The following NHSL2 variants were observed in gnomAD, a reference collection of about 807,000 sequenced individuals.
NHSL2 encodes the protein NHS like 2, also known as NHS-like protein 2.
In NHSL2, 27 loss-of-function variants were observed where a neutral mutation model predicts 53.4. That is an observed-to-expected ratio of 0.51 (90% CI 0.37 to 0.70). The LOEUF (loss-of-function observed/expected upper bound fraction) is 0.70, where lower values mean the gene tolerates loss of function less well. Among genes scored for constraint, NHSL2 ranks in the 30% least tolerant of loss-of-function variants. NHSL2 has a pLI of 0.00. For synonymous variants in NHSL2, 408 were observed against 404.1 expected (o/e 1.01, Z -0.12); for missense variants, 892 against 980.1 (o/e 0.91, Z 1.20).
At chrX:71,989,213 G>A (rs930388542) in intron 1 of NHSL2, among the ~76,000 whole-genome samples, 3 of 109,717 alleles carry the variant, frequency 2.7e-5, no homozygotes, top group African/African-American at 1.0e-4. Context: ...GCCGGGCGTG[G>A]TGGCACGCGC....
chrX:72,070,368 T>C (rs1267433467), intron 1 of NHSL2, among the ~76,000 whole-genome samples: 1 of 110,785 alleles, frequency 9.0e-6, no homozygotes, highest in Non-Finnish European at 1.9e-5. Context: ...GTTGTTCCCC[T>C]ACCTCTGGGT....
At chrX:71,997,604 C>T (rs952025868) in intron 1 of NHSL2, among the ~76,000 whole-genome samples, 1 of 112,493 alleles carries the variant, frequency 8.9e-6, no homozygotes, top group Admixed American at 9.3e-5. Context: ...AACACAGGCT[C>T]AGGGCCCATA....
At chrX:72,134,419 TC>T (rs2042336823) in intron 3 of NHSL2, 89 bp from the exon 4 acceptor site, 1 of 897,662 alleles carries the variant, frequency 1.1e-6, no homozygotes, top group Admixed American at 2.9e-5. Flanking sequence ...AGACGAAGCC[TC>T]CAACTACCCA....
At chrX:71,977,703 G>A (rs764472537) in intron 1 of NHSL2, among the ~76,000 whole-genome samples, 4 of 111,652 alleles carry the variant, frequency 3.6e-5, no homozygotes, top group Non-Finnish European at 5.6e-5. Context: ...ATGAGCCACC[G>A]CGCCTGTCTG....
In NHSL2 at chrX:72,069,654, C is replaced by T. The variant is rs771710794; in HGVS notation, c.281-62425C>T. 3 of 932,788 alleles carry T rather than the reference C, an allele frequency of 3.2e-6. No individual in the cohort carries two copies. The South Asian group carries it at 1.8e-4, about 56-fold the overall frequency. 76.9% of individuals were successfully genotyped at this position (932,788 alleles called of 1,213,427 possible). On this transcript the variant is annotated intron_variant, in intron 1 of 7. Coordinates refer to ENST00000633930, the MANE Select transcript of NHSL2 (RefSeq NM_001013627.3). ...AAAGAGGAGGAGGAGGAGGTGGCAG[C>T]GGCCGCCGCGGTGGCTGCCAGTCCA...
rs752401746 is a variant in NHSL2 at position 71,978,778 on chromosome X, A to C, written c.280+67411A>C. 8.9e-3 allele frequency among the ~76,000 whole-genome samples: 635 copies of C among 71,017 alleles called. 4 individuals are homozygous for C. The highest frequency in any genetic ancestry group is 0.032 in the African/African-American group (596 of 18,407). 61.7% of individuals were successfully genotyped at this position (71,017 alleles called of 115,157 possible). Reference sequence around the variant, plus strand: ...AAGGTTTTTTTTTTTTTTTTTAATTATACTGTAAGTTTTAGGGTACATGTG... The same window carrying C: ...AAGGTTTTTTTTTTTTTTTTTAATTCTACTGTAAGTTTTAGGGTACATGTG... On this transcript the variant is annotated intron_variant, in intron 1 of 7. Transcript: ENST00000633930.
At chrX:71,939,629 T>G (rs2041756369) in intron 1 of NHSL2, among the ~76,000 whole-genome samples, 1 of 111,808 alleles carries the variant, frequency 8.9e-6, no homozygotes, top group South Asian at 3.8e-4. Context: ...CTGTCTGGAT[T>G]TTGAATTCCA....
intron 1 of NHSL2, among the ~76,000 whole-genome samples, chrX:72,055,460 C>T (rs1349661573): frequency 8.9e-6 from 1 of 112,369 alleles, no homozygotes; most frequent in African/African-American, 3.2e-5. Context: ...TTGCCTATGC[C>T]TCTTGAGGAC....
intron 1 of NHSL2, among the ~76,000 whole-genome samples, chrX:72,052,627 TC>T (rs2042347254): frequency 9.0e-6 from 1 of 111,100 alleles, no homozygotes; most frequent in Admixed American, 9.5e-5. Flanking sequence ...CAGTCCAGCT[TC>T]CCCCATGTCC....
chrX:72,104,509 TTGAGTATGAAGATAAGGAGCA>T (rs1426354960), intron 1 of NHSL2, among the ~76,000 whole-genome samples: 1 of 111,183 alleles, frequency 9.0e-6, no homozygotes, highest in Non-Finnish European at 1.9e-5. Context: ...AAGGAAGGCC[TTGAGTATGAAGATAAGGAGCA>T]TGGGCATGTG....
At chrX:72,020,485 C>T (rs1050032332) in intron 1 of NHSL2, among the ~76,000 whole-genome samples, 3 of 112,823 alleles carry the variant, frequency 2.7e-5, no homozygotes, top group Admixed American at 9.3e-5. Flanking sequence ...GGGCTCTGGA[C>T]GCAAACCACT....
chrX:72,103,480 A>G (rs2042012693), intron 1 of NHSL2, among the ~76,000 whole-genome samples: 1 of 112,023 alleles, frequency 8.9e-6, no homozygotes, highest in South Asian at 3.6e-4. Flanking sequence ...ATTGTACAGG[A>G]CAGTCCCATG....
intron 1 of NHSL2, among the ~76,000 whole-genome samples, chrX:72,053,311 G>A (rs765355835): frequency 4.5e-5 from 5 of 111,166 alleles, no homozygotes; most frequent in Non-Finnish European, 7.6e-5. Context: ...CAGTTTGCCT[G>A]TCTCCATTCT....
intron 1 of NHSL2, among the ~76,000 whole-genome samples, chrX:72,060,887 C>T (rs1418744407): frequency 7.1e-5 from 8 of 113,031 alleles, no homozygotes; most frequent in African/African-American, 2.3e-4. Flanking sequence ...GGGACAATTC[C>T]GCCTTCTTTT....
chrX:72,134,500 TC>T lies in NHSL2; in HGVS notation c.565-6del. 1 of 1,159,710 alleles carries T rather than the reference TC, an allele frequency of 8.6e-7. No individual in the cohort carries two copies. Among genetic ancestry groups the T allele is most frequent in the East Asian group, 3.3e-5 (1 of 30,723 alleles). ...AATACACCCTTTCCATCACCTTCTC[TC>T]CCAACAGCCTACAAAACGGCAGCTG... On this transcript the variant is annotated splice_region_variant and splice_polypyrimidine_tract_variant and intron_variant, in intron 3 of 7. Coordinates refer to ENST00000633930, the MANE Select transcript of NHSL2 (RefSeq NM_001013627.3).
intron 1 of NHSL2, among the ~76,000 whole-genome samples, chrX:72,022,990 G>T (rs745501532): frequency 8.9e-6 from 1 of 112,321 alleles, no homozygotes; most frequent in South Asian, 3.7e-4. Flanking sequence ...TCTAGATCTT[G>T]TCTTCATAAG....
chrX:72,107,605 G>A (rs985941080), intron 1 of NHSL2, among the ~76,000 whole-genome samples: 2 of 112,023 alleles, frequency 1.8e-5, no homozygotes, highest in East Asian at 2.8e-4. Flanking sequence ...TCACCATCTC[G>A]TGGGGAGGAC....
At chrX:72,104,426 A>G (rs191741099) in intron 1 of NHSL2, among the ~76,000 whole-genome samples, 1 of 112,332 alleles carries the variant, frequency 8.9e-6, no homozygotes, top group African/African-American at 3.2e-5. Flanking sequence ...CTCCTGATGG[A>G]GTCCAAGCCA....
intron 1 of NHSL2, among the ~76,000 whole-genome samples, chrX:72,060,509 G>A (rs2042393853): frequency 8.9e-6 from 1 of 112,654 alleles, no homozygotes; most frequent in Non-Finnish European, 1.9e-5. Flanking sequence ...CAGCAGTTGG[G>A]TGTTTCCATT....
Sources: allele counts gnomAD v4.1 joint callset (sites outside exome capture counted in the v4.1 genomes callset), GRCh38; gene constraint gnomAD v4.1.1; transcripts MANE v1.5; gene names NCBI Gene and HGNC (gene_info 2026-07-23, HGNC 2026-07-21).